Variants in CLASP2 observed in about 807,000 individuals in gnomAD.
CLASP2 encodes the protein cytoplasmic linker associated protein 2, also known as CLIP-associating protein 2.
CLASP2 carries 47 observed loss-of-function variants against 194.4 expected under a neutral mutation model. The observed-to-expected ratio is 0.24, with a 90% CI of 0.19 to 0.31. CLASP2 has a LOEUF of 0.31. CLASP2 is among the 10% of genes least tolerant of loss of function. The pLI is 1.00. For synonymous variants in CLASP2, 619 were observed against 633.5 expected (o/e 0.98, Z 0.34); for missense variants, 1,445 against 1,823.6 (o/e 0.79, Z 3.78).
intron 27 of CLASP2, among the ~76,000 whole-genome samples, chr3:33,564,159 TTG>T (rs1189707009): frequency 2.0e-5 from 3 of 152,216 alleles, no homozygotes; most frequent in Non-Finnish European, 4.4e-5. Context: ...TTATACAGTC[TTG>T]TGTGTCACCA....
chr3:33,696,439 T>G (rs1163993019), intron 2 of CLASP2, among the ~76,000 whole-genome samples: 3 of 146,058 alleles, frequency 2.1e-5, no homozygotes, highest in African/African-American at 7.6e-5. Context: ...AAATGCTAAG[T>G]AGCAGATCTC....
chr3:33,539,811 T>C (rs1316580411), intron 32 of CLASP2, among the ~76,000 whole-genome samples: 1 of 152,224 alleles, frequency 6.6e-6, no homozygotes, highest in Admixed American at 6.5e-5. Flanking sequence ...ACAGAAAGTT[T>C]ATCAATCTCT....
intron 2 of CLASP2, among the ~76,000 whole-genome samples, chr3:33,691,657 T>C (rs2091368217): frequency 6.6e-6 from 1 of 152,322 alleles, no homozygotes; most frequent in East Asian, 1.9e-4. Context: ...AGGTTGGCCA[T>C]TATGGGCTTC....
chr3:33,624,156 C>T (rs1157980869), intron 10 of CLASP2, among the ~76,000 whole-genome samples: 1 of 152,102 alleles, frequency 6.6e-6, no homozygotes, highest in Non-Finnish European at 1.5e-5. Context: ...TGTTCATACA[C>T]ACTTAGAAGC....
Position 33,645,929 on chromosome 3 carries a change from T to TACACACAC in CLASP2, c.716-1034_716-1027dup, listed in dbSNP as rs60196645. ...TATGCAAATGAAACATCTCCCAGCA[T>TACACACAC]ACACACACACACACACACACACACA... On this transcript the variant is annotated intron_variant, in intron 7 of 38. Coordinates refer to ENST00000682230, the MANE Select transcript of CLASP2 (RefSeq NM_001365631.1). 3.0e-3 allele frequency among the ~76,000 whole-genome samples: 400 copies of TACACACAC among 135,198 alleles called. 4 individuals carry two copies. The highest frequency in any genetic ancestry group is 0.02 in the East Asian group (94 of 4,638). 88.7% of individuals were successfully genotyped at this position (135,198 alleles called of 152,430 possible). A position where few individuals can be genotyped will look rare whatever the true frequency, so the allele number is the denominator to read the frequency against.
chr3:33,676,595 A>G (rs1420501778), intron 6 of CLASP2, among the ~76,000 whole-genome samples: 1 of 152,052 alleles, frequency 6.6e-6, no homozygotes, highest in Non-Finnish European at 1.5e-5. Context: ...AAAACCATAA[A>G]AACCCTAGAA....
chr3:33,544,606 T>C, intron 31 of CLASP2, 92 bp downstream of exon 31: 2 of 1,188,362 alleles, frequency 1.7e-6, no homozygotes, highest in Non-Finnish European at 1.2e-6. Flanking sequence ...AATTATATAT[T>C]AAGGATCAAG....
chr3:33,717,116 CT>C (rs538079895), intron 1 of CLASP2, among the ~76,000 whole-genome samples: 56 of 152,296 alleles, frequency 3.7e-4, no homozygotes, highest in East Asian at 2.3e-3. Context: ...ATCTTTGTAA[CT>C]TTTTCCCCCC....
chr3:33,550,878 T>C (rs1243386235), intron 30 of CLASP2, among the ~76,000 whole-genome samples: 1 of 152,138 alleles, frequency 6.6e-6, no homozygotes, highest in African/African-American at 2.4e-5. Context: ...CTTAACAAAA[T>C]AGACGGATAT....
chr3:33,670,473 T>C (rs563757995), intron 6 of CLASP2, among the ~76,000 whole-genome samples: 34 of 152,334 alleles, frequency 2.2e-4, no homozygotes, highest in Admixed American at 8.5e-4. Flanking sequence ...CTGATTTCCA[T>C]ATGTAAGAAG....
chr3:33,595,287 T>C (rs1354072344), intron 19 of CLASP2, among the ~76,000 whole-genome samples: 1 of 152,074 alleles, frequency 6.6e-6, no homozygotes, highest in East Asian at 1.9e-4. Flanking sequence ...CTCAAAAAAA[T>C]GTAACTCTGT....
chr3:33,559,646 G>A (rs893167612), intron 28 of CLASP2, among the ~76,000 whole-genome samples: 2 of 152,238 alleles, frequency 1.3e-5, no homozygotes, highest in African/African-American at 4.8e-5. Flanking sequence ...TGTATTCCCA[G>A]TACTTTGGGA....
At chr3:33,554,120 C>T (rs928776188) in intron 29 of CLASP2, among the ~76,000 whole-genome samples, 15 of 150,944 alleles carry the variant, frequency 9.9e-5, no homozygotes, top group East Asian at 9.9e-4. Context: ...CCCAGCTACT[C>T]GGGAGGCTGA....
chr3:33,571,041 A>AGT (rs2154192671), intron 25 of CLASP2, among the ~76,000 whole-genome samples: 1 of 101,460 alleles, frequency 9.9e-6, no homozygotes, highest in African/African-American at 3.4e-5. Flanking sequence ...TTTGAGACGG[A>AGT]GTCTCGCTGT....
chr3:33,574,648 G>T (rs977965437), intron 24 of CLASP2, among the ~76,000 whole-genome samples: 9 of 152,120 alleles, frequency 5.9e-5, no homozygotes, highest in Non-Finnish European at 1.2e-4. Context: ...TTAGCAGGCT[G>T]TGTCTTTAAT....
chr3:33,608,467 T>A, intron 14 of CLASP2, 100 bp downstream of exon 14: 1 of 948,072 alleles, frequency 1.1e-6, no homozygotes, highest in Non-Finnish European at 1.6e-6. Context: ...AAATAACCTT[T>A]GAAGCAAAAT....
intron 6 of CLASP2, 142 bp from the exon 7 acceptor site, chr3:33,663,657 C>T (rs937033134): frequency 1.7e-5 from 10 of 605,860 alleles, no homozygotes; most frequent in African/African-American, 5.6e-5. Flanking sequence ...TCACAATTAA[C>T]GCACTGAAAG....
chr3:33,673,845 A>T (rs1025034042), intron 6 of CLASP2, among the ~76,000 whole-genome samples: 15 of 152,324 alleles, frequency 9.8e-5, no homozygotes, highest in South Asian at 8.3e-4. Context: ...AGAGACAAAG[A>T]AGGCCATTAC....
intron 36 of CLASP2, chr3:33,514,760 A>G: frequency 4.1e-6 from 1 of 245,892 alleles, no homozygotes. Context: ...TTGCAAAAAT[A>G]TGGAAATAGC....
Sources: allele counts gnomAD v4.1 joint callset (sites outside exome capture counted in the v4.1 genomes callset), GRCh38; gene constraint gnomAD v4.1.1; transcripts MANE v1.5; gene names NCBI Gene and HGNC (gene_info 2026-07-23, HGNC 2026-07-21).